EBF1: variants seen among roughly 807,000 people sequenced by gnomAD.
The protein encoded by EBF1 is transcription factor COE1.
In EBF1, 10 loss-of-function variants were observed where a neutral mutation model predicts 68.4. The ratio of observed to expected loss-of-function variants is 0.15; its 90% confidence interval spans 0.09 to 0.25. The LOEUF (loss-of-function observed/expected upper bound fraction) is 0.25. EBF1 is among the 10% of genes least tolerant of loss of function. The pLI is 1.00. For missense variants in EBF1, 509 were observed against 794.4 expected (o/e 0.64, Z 4.32); for synonymous variants, 298 against 299.8 (o/e 0.99, Z 0.06).
intron 6 of EBF1, among the ~76,000 whole-genome samples, chr5:158,855,046 A>C (rs186962871): frequency 4.6e-5 from 7 of 152,302 alleles, no homozygotes; most frequent in Non-Finnish European, 8.8e-5. Context: ...GGGCCCAGAA[A>C]ATATTGTTCA....
chr5:158,890,733 T>C (rs977571550), intron 6 of EBF1, among the ~76,000 whole-genome samples: 2 of 152,224 alleles, frequency 1.3e-5, no homozygotes, highest in Admixed American at 6.5e-5. Context: ...GAGTTTTATA[T>C]ACTGAAGTTG....
At chr5:158,968,378 G>A (rs1278407818) in intron 6 of EBF1, among the ~76,000 whole-genome samples, 3 of 152,218 alleles carry the variant, frequency 2.0e-5, no homozygotes, top group African/African-American at 4.8e-5. Context: ...TTACTGTGTC[G>A]GCCTAACACT....
intron 5 of EBF1, among the ~76,000 whole-genome samples, chr5:159,082,174 T>C (rs1269328556): frequency 2.0e-5 from 3 of 152,078 alleles, no homozygotes; most frequent in Non-Finnish European, 4.4e-5. Flanking sequence ...AACAGAATCA[T>C]ACCAAGCCTT....
intron 6 of EBF1, among the ~76,000 whole-genome samples, chr5:158,879,481 G>A (rs1018300282): frequency 6.6e-6 from 1 of 152,146 alleles, no homozygotes; most frequent in African/African-American, 2.4e-5. Context: ...AACCTCACAG[G>A]AAGAAGTTAT....
chr5:158,776,781 T>C (rs1469603056), intron 10 of EBF1, among the ~76,000 whole-genome samples: 1 of 152,196 alleles, frequency 6.6e-6, no homozygotes, highest in Non-Finnish European at 1.5e-5. Context: ...CTTCACAATC[T>C]AGGGATCTCT....
At chr5:158,743,564 A>G (rs1766909413) in intron 10 of EBF1, among the ~76,000 whole-genome samples, 1 of 152,234 alleles carries the variant, frequency 6.6e-6, no homozygotes, top group African/African-American at 2.4e-5. Context: ...AGGCAGCATT[A>G]TTGTAATAAT....
intron 6 of EBF1, among the ~76,000 whole-genome samples, chr5:158,998,150 T>A (rs1321364113): frequency 6.6e-6 from 1 of 152,162 alleles, no homozygotes; most frequent in East Asian, 1.9e-4. Flanking sequence ...ATACTCTATC[T>A]TATTAAATTT....
chr5:158,755,358 A>G (rs180719655), intron 10 of EBF1, among the ~76,000 whole-genome samples: 27 of 152,046 alleles, frequency 1.8e-4, no homozygotes, highest in African/African-American at 6.3e-4. Flanking sequence ...CTCCCTAGCC[A>G]TTTACCCAGA....
chr5:159,040,882 C>T (rs1771067414), intron 6 of EBF1, among the ~76,000 whole-genome samples: 1 of 152,164 alleles, frequency 6.6e-6, no homozygotes, highest in South Asian at 2.1e-4. Flanking sequence ...ATGGGGGTGA[C>T]ATATACTCAT....
chr5:158,731,563 C>T (rs575073999), intron 10 of EBF1, among the ~76,000 whole-genome samples: 1 of 152,318 alleles, frequency 6.6e-6, no homozygotes, highest in East Asian at 1.9e-4. Context: ...AAAGTATCTG[C>T]TTAACTGCAA....
At chr5:159,090,839 A>T (rs1437161702) in intron 4 of EBF1, among the ~76,000 whole-genome samples, 1 of 152,052 alleles carries the variant, frequency 6.6e-6, no homozygotes, top group African/African-American at 2.4e-5. Context: ...TAATAAAAGC[A>T]TCTAATTTAT....
chr5:158,975,543 G>GTGAGAGT (rs1756564513), intron 6 of EBF1, among the ~76,000 whole-genome samples: 1 of 151,490 alleles, frequency 6.6e-6, no homozygotes, highest in East Asian at 1.9e-4. Context: ...GAGAGAGGCA[G>GTGAGAGT]GAAAAAAAGA....
chr5:158,924,835 A>G (rs1330735858), intron 6 of EBF1, among the ~76,000 whole-genome samples: 2 of 139,966 alleles, frequency 1.4e-5, no homozygotes, highest in Admixed American at 7.4e-5. Context: ...CCTGGGCAAC[A>G]GAGCGAGACT....
intron 6 of EBF1, among the ~76,000 whole-genome samples, chr5:159,032,506 G>A (rs1028437774): frequency 3.3e-5 from 5 of 152,268 alleles, no homozygotes; most frequent in South Asian, 4.2e-4. Flanking sequence ...GCATAAAACC[G>A]AGTGATTATT....
chr5:158,736,759 T>A (rs1765270323), intron 10 of EBF1, among the ~76,000 whole-genome samples: 1 of 152,220 alleles, frequency 6.6e-6, no homozygotes, highest in African/African-American at 2.4e-5. Context: ...TGTTCCATAA[T>A]GGCCCCATTT....
intron 6 of EBF1, among the ~76,000 whole-genome samples, chr5:159,030,100 A>AAAT (rs1768474312): frequency 6.6e-6 from 1 of 150,850 alleles, no homozygotes; most frequent in African/African-American, 2.4e-5. Context: ...ACACAGAAAA[A>AAAT]ATATATATAT....
chr5:159,031,597 G>A (rs1768898722), intron 6 of EBF1, among the ~76,000 whole-genome samples: 1 of 152,192 alleles, frequency 6.6e-6, no homozygotes, highest in Non-Finnish European at 1.5e-5. Flanking sequence ...AAAGTCTGTG[G>A]CACAGTCACT....
chr5:158,751,757 C>T (rs998767061), intron 10 of EBF1, among the ~76,000 whole-genome samples: 3 of 152,044 alleles, frequency 2.0e-5, no homozygotes, highest in Non-Finnish European at 4.4e-5. Context: ...AGTACTTATC[C>T]ATTAAATGAA....
intron 6 of EBF1, among the ~76,000 whole-genome samples, chr5:158,875,056 TACACAC>T (rs3035121): frequency 3.9e-4 from 58 of 147,410 alleles, no homozygotes; most frequent in South Asian, 8.7e-4. Context: ...CACACACACA[TACACAC>T]ACACACACAC....
Sources: allele counts gnomAD v4.1 joint callset (sites outside exome capture counted in the v4.1 genomes callset), GRCh38; gene constraint gnomAD v4.1.1; transcripts MANE v1.5; gene names NCBI Gene and HGNC (gene_info 2026-07-23, HGNC 2026-07-21).